The following NUP35 variants were observed in gnomAD, a reference collection of about 807,000 sequenced individuals.
NUP35 encodes nucleoporin 35.
NUP35 carries 25 observed loss-of-function variants against 41.5 expected under a neutral mutation model. The ratio of observed to expected loss-of-function variants is 0.60; its 90% CI spans 0.44 to 0.84. The LOEUF (loss-of-function observed/expected upper bound fraction) is 0.84, where lower values mean the gene tolerates loss of function less well. Ranked by LOEUF, NUP35 falls within the 40% of genes least tolerant of loss-of-function variation. The pLI is 0.00. For synonymous variants in NUP35, 149 were observed against 130.7 expected, an observed-to-expected ratio of 1.14 and a Z score of -0.96; for missense variants, 396 against 396.6, an observed-to-expected ratio of 1.00 and a Z score of 0.01.
At chr2:183,155,905 TA>T (rs1400701650) in intron 5 of NUP35, among the ~76,000 whole-genome samples, 2 of 152,256 alleles carry the variant, frequency 1.3e-5, no homozygotes, top group African/African-American at 4.8e-5. Context: ...TTTCGTGTTT[TA>T]ATAACCCTCT....
upstream of NUP35, among the ~76,000 whole-genome samples, chr2:183,120,894 C>G (rs1700058114): frequency 6.6e-6 from 1 of 152,092 alleles, no homozygotes; most frequent in African/African-American, 2.4e-5. Flanking sequence ...GGAAAAGTGG[C>G]ATTTGGCTTT....
chr2:183,123,945 C>T (rs1409513573), upstream of NUP35: 1 of 422,774 alleles, frequency 2.4e-6, no homozygotes, highest in Non-Finnish European at 3.2e-6. Flanking sequence ...GTAAAATTGT[C>T]TACATAACAC....
chr2:183,156,489 G>A (rs899456668), intron 5 of NUP35, among the ~76,000 whole-genome samples: 2 of 152,024 alleles, frequency 1.3e-5, no homozygotes, highest in East Asian at 1.9e-4. Flanking sequence ...ACAGGTGCCC[G>A]CCACCATGCC....
Position 183,157,323 on chromosome 2 carries a change from A to G in NUP35, c.540-121A>G. The G allele has an allele frequency of 3.9e-6, 3 of 768,988 alleles. No individual in the cohort carries two copies. The East Asian group carries it at 7.5e-5, about 19-fold the overall frequency. The allele number at this position is 768,988 out of a possible 1,614,324, so 47.6% of individuals were successfully genotyped here. ...TATCGGGGAAAACAGGATGATCAGC[A>G]CTCTCCTGTTAACGTTCTAGACAGT... On this transcript the variant is annotated intron_variant, in intron 5 of 8. Transcript: ENST00000295119.
At chr2:183,130,108 T>C (rs1684644539) in intron 2 of NUP35, among the ~76,000 whole-genome samples, 1 of 152,196 alleles carries the variant, frequency 6.6e-6, no homozygotes, top group Admixed American at 6.5e-5. Context: ...AAAAGTTACA[T>C]GTGTTTTCTG....
chr2:183,128,586 A>G lies in NUP35; in HGVS notation c.211+129A>G, dbSNP rs1684582272. The G allele has an allele frequency of 1.5e-5, 7 of 460,634 alleles. No homozygotes were observed. The South Asian group carries it at 4.8e-4, about 31-fold the overall frequency. The allele number at this position is 460,634 out of a possible 1,614,324, so 28.5% of individuals were successfully genotyped here. A position where few individuals can be genotyped will look rare whatever the true frequency, so the allele number is the denominator to read the frequency against. On this transcript the variant is annotated intron_variant, in intron 2 of 8. Transcript: ENST00000295119. Reference sequence around the variant, plus strand: ...CACATAAAATACAGTAACTCTAATAATAGCTGATGAGCTAAAAAAAAAAAA... The same window carrying G: ...CACATAAAATACAGTAACTCTAATAGTAGCTGATGAGCTAAAAAAAAAAAA...
intron 6 of NUP35, 62 bp from the exon 7 acceptor site, chr2:183,158,221 G>T: frequency 8.6e-7 from 1 of 1,165,332 alleles, no homozygotes; most frequent in South Asian, 2.4e-5. Flanking sequence ...TTTTCTAGTA[G>T]AATTCATTAG....
Position 183,130,523 on chromosome 2 carries a change from C to T in NUP35, c.317C>T (p.Thr106Ile), listed in dbSNP as rs1450625504. 6.2e-7 allele frequency: 1 copy of T among 1,612,338 alleles called. No homozygotes were observed. Among genetic ancestry groups the T allele is most frequent in the South Asian group, 1.1e-5 (1 of 90,974 alleles). Residue 106 changes from threonine (T) to isoleucine (I), a missense_variant, in exon 3 of 9, where the codon ACA becomes ATA. By Grantham distance (89) the Thr-to-Ile change is moderately conservative. Coordinates refer to ENST00000295119, the MANE Select transcript of NUP35 (RefSeq NM_138285.5). ...ATTTCTAGCCCAGGACTTGGATCAA[C>T]ACCTTTAACTTCAAGAAGACAGGTA... ...DDISSPGLGSTPLTSRRQPNI... is the reference protein window; with the variant it reads ...DDISSPGLGSIPLTSRRQPNI...
At chr2:183,126,846 C>G (rs1478153647) in intron 1 of NUP35, among the ~76,000 whole-genome samples, 1 of 152,180 alleles carries the variant, frequency 6.6e-6, no homozygotes, top group African/African-American at 2.4e-5. Context: ...ATGAGTCACA[C>G]TCAGGCTTGT....
intron 8 of NUP35, 193 bp downstream of exon 8, chr2:183,159,845 T>C (rs1301205448): frequency 2.1e-6 from 1 of 475,102 alleles, no homozygotes; most frequent in Non-Finnish European, 3.6e-6. Context: ...TTATCATGAA[T>C]TAAAAAAAAA....
chr2:183,133,473 TA>T, intron 3 of NUP35, 92 bp from the exon 4 acceptor site: 3 of 986,258 alleles, frequency 3.0e-6, no homozygotes, highest in Non-Finnish European at 4.6e-6. Flanking sequence ...TAGCACATGA[TA>T]AAAATTCAGT....
chr2:183,127,492 T>G (rs960339511), intron 1 of NUP35, among the ~76,000 whole-genome samples: 2 of 152,216 alleles, frequency 1.3e-5, no homozygotes, highest in Non-Finnish European at 2.9e-5. Flanking sequence ...TTCAACATGT[T>G]TCTGAGTTAG....
intron 4 of NUP35, among the ~76,000 whole-genome samples, chr2:183,146,302 C>T (rs540913783): frequency 6.6e-6 from 1 of 152,176 alleles, no homozygotes; most frequent in South Asian, 2.1e-4. Flanking sequence ...TCCTAGACTC[C>T]TTTGAATTCA....
At chr2:183,159,442 A>G (rs1685787945) in intron 7 of NUP35, 46 bp from the exon 8 acceptor site, 2 of 1,421,910 alleles carry the variant, frequency 1.4e-6, no homozygotes, top group Non-Finnish European at 1.9e-6. Context: ...ACTGGATGAT[A>G]TGTATTATGT....
chr2:183,151,674 T>C, intron 5 of NUP35, 25 bp downstream of exon 5: 2 of 1,593,502 alleles, frequency 1.3e-6, no homozygotes, highest in Non-Finnish European at 1.7e-6. Flanking sequence ...CCATTTGCCT[T>C]TTAAAAACCC....
At position 183,160,988 on chromosome 2, in the gene NUP35, T is replaced by C; in HGVS notation, c.904-66T>C. The C allele has an allele frequency of 2.5e-6, 3 of 1,202,864 alleles. No homozygotes were observed. In the South Asian group the frequency reaches 3.9e-5, roughly 16 times the overall value. 74.5% of individuals were successfully genotyped at this position (1,202,864 alleles called of 1,614,324 possible). ...TGTTTCTCTTTTAAATGAGCAATTC[T>C]AGAATTGCCTATGACACTGAAGTAA... On this transcript the variant is annotated intron_variant, in intron 8 of 8. Coordinates refer to ENST00000295119, the MANE Select transcript of NUP35 (RefSeq NM_138285.5).
intron 6 of NUP35, 140 bp downstream of exon 6, chr2:183,157,653 G>A (rs1325356416): frequency 1.6e-6 from 1 of 613,934 alleles, no homozygotes; most frequent in Middle Eastern, 4.4e-4. Flanking sequence ...ATCCTTTGAA[G>A]TCTGGAAGGC....
chr2:183,140,502 T>C (rs533557914), intron 4 of NUP35, among the ~76,000 whole-genome samples: 1 of 152,180 alleles, frequency 6.6e-6, no homozygotes, highest in East Asian at 1.9e-4. Context: ...GTGGTGGCAA[T>C]GTTTATGTTT....
chr2:183,148,204 C>G (rs7592910), intron 4 of NUP35, among the ~76,000 whole-genome samples: 35,153 of 152,072 alleles, frequency 0.23, 4,380 homozygotes, highest in African/African-American at 0.33. Flanking sequence ...TATTCATTCA[C>G]CCATTGTTGA....
Sources: gnomAD v4.1 joint callset for allele counts (sites outside exome capture counted in the v4.1 genomes callset) on GRCh38, gnomAD v4.1.1 for gene constraint, MANE v1.5 for transcripts, NCBI Gene and HGNC (gene_info 2026-07-23, HGNC 2026-07-21) for gene names.